Variants in EML5 observed in about 807,000 individuals in gnomAD.
EML5 encodes echinoderm microtubule-associated protein-like 5.
In EML5, 120 loss-of-function variants were observed where a neutral mutation model predicts 250.0. The ratio of observed to expected loss-of-function variants is 0.48; its 90% CI spans 0.41 to 0.56. EML5 has a LOEUF of 0.56. Ranked by LOEUF, EML5 falls within the 20% of genes least tolerant of loss-of-function variation. EML5 has a pLI of 0.00. For missense variants in EML5, 2,006 were observed against 2,437.6 expected (o/e 0.82, Z 3.73); for synonymous variants, 771 against 806.5 (o/e 0.96, Z 0.75).
At chr14:88,616,286 A>G (rs759579683) in intron 42 of EML5, 44 bp from the exon 43 acceptor site, 4 of 1,566,364 alleles carry the variant, frequency 2.6e-6, no homozygotes, top group Non-Finnish European at 2.6e-6. Context: ...TGGTGCACAC[A>G]GAAGTCAAAG....
Position 88,705,546 on chromosome 14 carries a change from A to G in EML5, c.1868T>C (p.Leu623Pro). The change falls in exon 12 of 44, where the codon CTG becomes CCG. Residue 623 changes from leucine to proline, a missense_variant. Coordinates refer to ENST00000554922, the MANE Select transcript of EML5 (RefSeq NM_183387.3). ...AGAATCCAGTTCTGGAACATCAGACAGATCTGAATCTGATTCATCACTATG... is the reference window on the plus strand; with the variant it reads ...AGAATCCAGTTCTGGAACATCAGACGGATCTGAATCTGATTCATCACTATG... ...DSHSDESDSD[L>P]SDVPELDSEI... 2 of 1,603,180 alleles carry G rather than the reference A, an allele frequency of 1.2e-6. No homozygotes were observed. The highest frequency in any genetic ancestry group is 1.7e-6 in the Non-Finnish European group (2 of 1,174,196).
At position 88,761,314 on chromosome 14, in the gene EML5, C is replaced by A. The variant is rs528842146; in HGVS notation, c.198-6643G>T. ...TTTGCTGCACTCATCAACCTGTCAT[C>A]TACATTAGGTATTTCTCCTAATGCT... On this transcript the variant is annotated intron_variant, in intron 1 of 43. Coordinates refer to ENST00000554922, the MANE Select transcript of EML5 (RefSeq NM_183387.3). 8.5e-5 allele frequency among the ~76,000 whole-genome samples: 13 copies of A among 152,198 alleles called. No individual in the cohort carries two copies. The South Asian group carries it at 2.5e-3, about 29-fold the overall frequency.
intron 36 of EML5, 87 bp from the exon 37 acceptor site, chr14:88,622,805 C>CT (rs11382327): frequency 0.85 from 438,340 of 514,194 alleles, 182,679 homozygotes; most frequent in Admixed American, 0.92. Flanking sequence ...TAAGCAGAAT[C>CT]TTTTTTTTTT....
At chr14:88,729,558 G>GTTTTTT (rs111605174) in intron 7 of EML5, among the ~76,000 whole-genome samples, 1 of 148,392 alleles carries the variant, frequency 6.7e-6, no homozygotes, top group African/African-American at 2.5e-5. Flanking sequence ...TACTTATTTG[G>GTTTTTT]TTTTTTGTTT....
intron 2 of EML5, among the ~76,000 whole-genome samples, chr14:88,747,481 A>G (rs2094023110): frequency 6.6e-6 from 1 of 152,076 alleles, no homozygotes; most frequent in Non-Finnish European, 1.5e-5. Flanking sequence ...ACAACAAAAT[A>G]AGAAACCATG....
intron 7 of EML5, among the ~76,000 whole-genome samples, chr14:88,731,825 A>G (rs899483308): frequency 1.6e-3 from 236 of 152,214 alleles, no homozygotes; most frequent in Non-Finnish European, 2.5e-3. Context: ...GCCAGTGATG[A>G]TGAGCATTTT....
At chr14:88,681,512 G>A (rs927875507) in intron 21 of EML5, among the ~76,000 whole-genome samples, 3 of 152,144 alleles carry the variant, frequency 2.0e-5, no homozygotes, top group African/African-American at 7.2e-5. Context: ...TTCCTCAGCT[G>A]TCTACCCTTA....
intron 1 of EML5, among the ~76,000 whole-genome samples, chr14:88,778,445 C>A (rs2094467119): frequency 1.3e-5 from 2 of 152,134 alleles, no homozygotes; most frequent in African/African-American, 4.8e-5. Context: ...ATTGACAATT[C>A]TGTTATTTTC....
intron 14 of EML5, 110 bp from the exon 15 acceptor site, chr14:88,697,062 AATTT>A (rs2093095839): frequency 2.9e-6 from 2 of 689,352 alleles, no homozygotes; most frequent in African/African-American, 1.8e-5. Flanking sequence ...TTACCACAGA[AATTT>A]ATTAAATAAA....
At chr14:88,743,452 A>G (rs2093955845) in intron 4 of EML5, among the ~76,000 whole-genome samples, 1 of 152,108 alleles carries the variant, frequency 6.6e-6, no homozygotes, top group Non-Finnish European at 1.5e-5. Context: ...TAGAAAAAGG[A>G]AAAGCAACAC....
intron 5 of EML5, among the ~76,000 whole-genome samples, chr14:88,739,437 G>T (rs2140235848): frequency 6.6e-6 from 1 of 152,168 alleles, no homozygotes; most frequent in East Asian, 1.9e-4. Context: ...ATCAAGGCAT[G>T]ACTATATATA....
chr14:88,755,916 T>C (rs1252662583), intron 1 of EML5, among the ~76,000 whole-genome samples: 1 of 152,176 alleles, frequency 6.6e-6, no homozygotes, highest in African/African-American at 2.4e-5. Context: ...AGAAGATCGC[T>C]TGAACCCAGG....
At chr14:88,689,678 G>C (rs2092914953) in intron 17 of EML5, among the ~76,000 whole-genome samples, 1 of 152,258 alleles carries the variant, frequency 6.6e-6, no homozygotes, top group Non-Finnish European at 1.5e-5. Flanking sequence ...AGGTTGCAGT[G>C]AGCCATGATT....
rs558620455 is a variant in EML5, at chr14:88,664,704, C to A, written c.3278-80G>T. 2.8e-6 allele frequency: 4 copies of A among 1,421,840 alleles called. No homozygotes were observed. The South Asian group carries it at 5.4e-5, about 19-fold the overall frequency. 88.1% of individuals were successfully genotyped at this position (1,421,840 alleles called of 1,614,324 possible). ...CACTCTGCAACTAGAGTTAATTTTC[C>A]TTTTCTTTATGGAGAAATCTTAGCT... On this transcript the variant is annotated intron_variant, in intron 22 of 43. Coordinates refer to ENST00000554922, the MANE Select transcript of EML5 (RefSeq NM_183387.3).
rs778390734 is a variant in EML5, at chr14:88,681,891, C to T, written c.3123G>A (p.Lys1041=). 60 of 1,604,450 alleles carry T rather than the reference C, an allele frequency of 3.7e-5. No individual in the cohort carries two copies. Among genetic ancestry groups the T allele is most frequent in the Non-Finnish European group, 5.1e-5 (60 of 1,176,562 alleles). ...HCMLAVRKLK[K]GGRCCCFSPD... ...CGTTCAAGTGTGAGAGCCTCTTACC[C>T]TTTTTCAGCTTCCGGACAGCCAACA... The change falls in exon 21 of 44, where the codon AAG becomes AAA. Residue 1041 remains lysine (K), a splice_region_variant and synonymous_variant. Coordinates refer to ENST00000554922, the MANE Select transcript of EML5 (RefSeq NM_183387.3).
intron 34 of EML5, 143 bp from the exon 35 acceptor site, chr14:88,627,189 C>A: frequency 1.4e-6 from 1 of 709,046 alleles, no homozygotes; most frequent in East Asian, 2.6e-5. Flanking sequence ...CCTAGCAATA[C>A]ATGATTTACA....
In EML5 at chr14:88,657,399, T is replaced by C; in HGVS notation, c.3981A>G (p.Gln1327=). ...PMLGIKPHLQ[Q]KEPSIDERQG... is the part of the protein sequence containing the mutation. ...ACCTTTCATCAATTGAGGGTTCTTT[T>C]TGTTGTAAATGAGGCTTGATTCCTA... Residue 1327 remains glutamine, a synonymous_variant, in exon 27 of 44, where the codon CAA becomes CAG. Coordinates refer to ENST00000554922, the MANE Select transcript of EML5 (RefSeq NM_183387.3). 6.3e-7 allele frequency: 1 copy of C among 1,583,572 alleles called. No individual in the cohort carries two copies. Among genetic ancestry groups the C allele is most frequent in the African/African-American group, 1.3e-5 (1 of 74,720 alleles).
At chr14:88,768,694 G>C (rs908055006) in intron 1 of EML5, among the ~76,000 whole-genome samples, 2 of 152,188 alleles carry the variant, frequency 1.3e-5, no homozygotes, top group African/African-American at 4.8e-5. Context: ...TTACAGGCGT[G>C]AGACATCGCA....
At chr14:88,718,305 G>A (rs1457982365) in intron 8 of EML5, among the ~76,000 whole-genome samples, 4 of 152,292 alleles carry the variant, frequency 2.6e-5, no homozygotes, top group South Asian at 2.1e-4. Context: ...TAGGCTATGC[G>A]TGGTAACTGA....
Sources: allele counts gnomAD v4.1 joint callset (sites outside exome capture counted in the v4.1 genomes callset), GRCh38; gene constraint gnomAD v4.1.1; transcripts MANE v1.5; gene names NCBI Gene and HGNC (gene_info 2026-07-23, HGNC 2026-07-21).